ZNG1E: variants seen among roughly 807,000 people sequenced by gnomAD.
The protein encoded by ZNG1E is zinc-regulated GTPase metalloprotein activator 1E.
the ZNG1E span, among the ~76,000 whole-genome samples, chr9:65,718,932 C>G: frequency 1.9e-5 from 1 of 53,648 alleles, no homozygotes; most frequent in Non-Finnish European, 3.7e-5. Flanking sequence ...GGGAACTAAA[C>G]TTAAATGTTC....
At chr9:65,691,564 C>G in the ZNG1E span, among the ~76,000 whole-genome samples, 241 of 152,288 alleles carry the variant, frequency 1.6e-3, 1 homozygote, top group Non-Finnish European at 2.7e-3. Flanking sequence ...CAATTTAGTG[C>G]TTCCACTAAG....
chr9:65,691,684 G>A, the ZNG1E span, among the ~76,000 whole-genome samples: 1 of 152,232 alleles, frequency 6.6e-6, no homozygotes, highest in African/African-American at 2.4e-5. Flanking sequence ...CAGGCAATAT[G>A]AGGATCATAT....
At chr9:65,666,314 C>A in the ZNG1E span, among the ~76,000 whole-genome samples, 1 of 149,820 alleles carries the variant, frequency 6.7e-6, no homozygotes, top group Non-Finnish European at 1.5e-5. Flanking sequence ...CTCATGAGAT[C>A]TGATGGTTTT....
the ZNG1E span, among the ~76,000 whole-genome samples, chr9:65,714,404 T>C: frequency 1.2e-5 from 1 of 85,732 alleles, no homozygotes; most frequent in Non-Finnish European, 2.3e-5. Context: ...GGTGAGGAAC[T>C]GCGTTTCTTT....
At chr9:65,717,935 C>T in the ZNG1E span, among the ~76,000 whole-genome samples, 1 of 146,234 alleles carries the variant, frequency 6.8e-6, no homozygotes, top group Non-Finnish European at 1.5e-5. Context: ...GATCTGCCCA[C>T]CTCAGCCTCC....
At chr9:65,663,260 T>C in the ZNG1E span, among the ~76,000 whole-genome samples, 80 of 152,302 alleles carry the variant, frequency 5.3e-4, no homozygotes, top group Non-Finnish European at 1.0e-3. Flanking sequence ...AAGAATGTAG[T>C]GACCATAAAA....
the ZNG1E span, among the ~76,000 whole-genome samples, chr9:65,663,637 T>G: frequency 2.0e-5 from 3 of 151,390 alleles, no homozygotes; most frequent in East Asian, 5.8e-4. Context: ...AATAGTGCTA[T>G]GAATGTCATA....
the ZNG1E span, among the ~76,000 whole-genome samples, chr9:65,716,655 T>C: frequency 7.9e-6 from 1 of 126,650 alleles, no homozygotes; most frequent in Non-Finnish European, 1.7e-5. Context: ...TAAATTTGCA[T>C]GTAGTTTGTA....
At chr9:65,672,698 G>A in the ZNG1E span, among the ~76,000 whole-genome samples, 10 of 148,622 alleles carry the variant, frequency 6.7e-5, no homozygotes, top group South Asian at 8.6e-4. Context: ...AGCCAAGATC[G>A]TGCCACTGCA....
the ZNG1E span, chr9:65,733,028 G>T: frequency 1.2e-6 from 2 of 1,611,394 alleles, no homozygotes; most frequent in African/African-American, 2.7e-5. Context: ...CACAACAAGT[G>T]ATTGTCCAGG....
At chr9:65,681,300 A>G in the ZNG1E span, among the ~76,000 whole-genome samples, 2 of 152,342 alleles carry the variant, frequency 1.3e-5, no homozygotes, top group Non-Finnish European at 2.9e-5. Context: ...TCATTAAGAA[A>G]TGGGGGTGGC....
At chr9:65,658,070 G>A in the ZNG1E span, among the ~76,000 whole-genome samples, 1 of 149,288 alleles carries the variant, frequency 6.7e-6, no homozygotes, top group South Asian at 2.1e-4. Flanking sequence ...TTGCACTCCA[G>A]CCTGGGCAAC....
chr9:65,659,506 A>G, the ZNG1E span, among the ~76,000 whole-genome samples: 2 of 151,538 alleles, frequency 1.3e-5, no homozygotes, highest in African/African-American at 4.9e-5. Flanking sequence ...AAAAAAAAAA[A>G]AAAAAAAAGA....
At chr9:65,672,226 A>G in the ZNG1E span, among the ~76,000 whole-genome samples, 1 of 151,756 alleles carries the variant, frequency 6.6e-6, no homozygotes, top group Non-Finnish European at 1.5e-5. Flanking sequence ...TGTGCTTAAC[A>G]CAGTGCCTAT....
chr9:65,717,588 T>C, the ZNG1E span, among the ~76,000 whole-genome samples: 1 of 149,790 alleles, frequency 6.7e-6, no homozygotes, highest in Non-Finnish European at 1.5e-5. Flanking sequence ...TTTAATTTGA[T>C]GCTGTGGGCA....
the ZNG1E span, among the ~76,000 whole-genome samples, chr9:65,714,704 C>T: frequency 2.2e-4 from 34 of 151,280 alleles, no homozygotes; most frequent in Non-Finnish European, 4.4e-5. Flanking sequence ...AGGGGGTGAC[C>T]TCCCAGGGGG....
chr9:65,659,704 G>A, the ZNG1E span, among the ~76,000 whole-genome samples: 28 of 152,288 alleles, frequency 1.8e-4, no homozygotes, highest in South Asian at 4.2e-4. Flanking sequence ...GAGTAGTAGT[G>A]CCTTCTCTGC....
the ZNG1E span, chr9:65,732,958 G>T: frequency 6.2e-7 from 1 of 1,608,186 alleles, no homozygotes; most frequent in Non-Finnish European, 8.5e-7. Flanking sequence ...TTGAACTGAG[G>T]CTGATCAATG....
At chr9:65,659,707 T>C in the ZNG1E span, among the ~76,000 whole-genome samples, 1 of 152,186 alleles carries the variant, frequency 6.6e-6, no homozygotes, top group Non-Finnish European at 1.5e-5. Context: ...TAGTAGTGCC[T>C]TCTCTGCACT....
Sources: gnomAD v4.1 joint callset for allele counts (sites outside exome capture counted in the v4.1 genomes callset) on GRCh38, gnomAD v4.1.1 for gene constraint, MANE v1.5 for transcripts, NCBI Gene and HGNC (gene_info 2026-07-23, HGNC 2026-07-21) for gene names.